Variants in BCL7B observed in about 807,000 individuals in gnomAD.
BCL7B encodes the protein BAF chromatin remodeling complex subunit BCL7B, also known as B-cell CLL/lymphoma 7 protein family member B.
BCL7B carries 11 observed loss-of-function variants against 26.5 expected under a neutral mutation model. The ratio of observed to expected loss-of-function variants is 0.42; its 90% CI spans 0.26 to 0.69. BCL7B has a LOEUF of 0.69. BCL7B is among the 30% of genes least tolerant of loss of function. The pLI is 0.28. For synonymous variants in BCL7B, 111 were observed against 107.9 expected (o/e 1.03, Z -0.18); for missense variants, 215 against 264.4 (o/e 0.81, Z 1.30).
At chr7:73,540,959 C>T (rs577674990) in intron 3 of BCL7B, among the ~76,000 whole-genome samples, 1 of 150,212 alleles carries the variant, frequency 6.7e-6, no homozygotes, top group Non-Finnish European at 1.5e-5. Flanking sequence ...CCAGCCTGGC[C>T]AACATGGTGA....
At chr7:73,543,326 G>A (rs572516584) in intron 3 of BCL7B, among the ~76,000 whole-genome samples, 1 of 152,062 alleles carries the variant, frequency 6.6e-6, no homozygotes, top group African/African-American at 2.4e-5. Flanking sequence ...ACAGGCACGC[G>A]CCACCACGCT....
At chr7:73,538,223 G>T (rs781851704) in intron 4 of BCL7B, 4 of 390,750 alleles carry the variant, frequency 1.0e-5, no homozygotes, top group Non-Finnish European at 1.8e-5. Context: ...GGCCATCTCT[G>T]CTGGGCTGGA....
chr7:73,539,806 C>T, intron 4 of BCL7B, 76 bp downstream of exon 4: 1 of 1,553,032 alleles, frequency 6.4e-7, no homozygotes, highest in East Asian at 2.3e-5. Context: ...GAGCCTGTTA[C>T]TCTAAAGACG....
chr7:73,537,275 G>A lies in BCL7B; in HGVS notation c.*23C>T. ...AATGCAATAAATAGAGGCAGGGCCAGGAGGCGGAGGGCCGGGATGGTGCTA... is the reference window on the plus strand; with the variant it reads ...AATGCAATAAATAGAGGCAGGGCCAAGAGGCGGAGGGCCGGGATGGTGCTA... On this transcript the variant is annotated 3_prime_UTR_variant, in exon 6 of 6. Transcript: ENST00000223368. 2 of 1,612,388 alleles carry A rather than the reference G, an allele frequency of 1.2e-6. No homozygotes were observed. Among genetic ancestry groups the A allele is most frequent in the Non-Finnish European group, 1.7e-6 (2 of 1,178,680 alleles).
At chr7:73,545,869 C>T (rs1486074248) in intron 2 of BCL7B, among the ~76,000 whole-genome samples, 1 of 152,096 alleles carries the variant, frequency 6.6e-6, no homozygotes, top group African/African-American at 2.4e-5. Context: ...CGGTGGCTCA[C>T]GCCTGTAATC....
chr7:73,557,492 C>T lies in BCL7B; in HGVS notation c.87G>A (p.Arg29=). The part of the protein sequence containing the change: ...KKVMAAIEKV[R]KWEKKWVTVG... ...CCTAAGCTCCGGCCCCTCACCATTT[C>T]CGCACTTTCTCGATGGCCGCCATCA... The change falls in exon 1 of 6, where the codon CGG becomes CGA. Residue 29 remains arginine, a synonymous_variant. Coordinates refer to ENST00000223368, the MANE Select transcript of BCL7B (RefSeq NM_001707.4). 3 of 1,434,832 alleles carry T rather than the reference C, an allele frequency of 2.1e-6. No individual in the cohort carries two copies. The highest frequency in any genetic ancestry group is 2.8e-6 in the Non-Finnish European group (3 of 1,081,988). 88.9% of individuals were successfully genotyped at this position (1,434,832 alleles called of 1,614,324 possible).
intron 1 of BCL7B, 143 bp from the exon 2 acceptor site, chr7:73,552,385 C>T (rs1260755746): frequency 1.4e-5 from 10 of 691,750 alleles, no homozygotes; most frequent in Middle Eastern, 4.9e-4. Flanking sequence ...TGGTAGCTCA[C>T]ACCTGAAATC....
intron 2 of BCL7B, among the ~76,000 whole-genome samples, chr7:73,547,076 T>C (rs1554583561): frequency 6.6e-6 from 1 of 152,074 alleles, no homozygotes; most frequent in Admixed American, 6.6e-5. Flanking sequence ...CACTTGAACC[T>C]GGTAGGTGGA....
At chr7:73,548,361 G>C (rs1227801544) in intron 2 of BCL7B, among the ~76,000 whole-genome samples, 1 of 152,094 alleles carries the variant, frequency 6.6e-6, no homozygotes, top group Non-Finnish European at 1.5e-5. Context: ...CCGGGAGGCA[G>C]AGGTTGCAGT....
At chr7:73,552,344 G>A in intron 1 of BCL7B, 102 bp from the exon 2 acceptor site, 1 of 939,936 alleles carries the variant, frequency 1.1e-6, no homozygotes, top group Non-Finnish European at 1.7e-6. Context: ...CTTCAATCTG[G>A]AATCCTTCTG....
chr7:73,548,188 G>A (rs112596386), intron 2 of BCL7B, among the ~76,000 whole-genome samples: 6,983 of 152,120 alleles, frequency 0.046, 196 homozygotes, highest in Non-Finnish European at 0.066. Flanking sequence ...CCAGCACTTC[G>A]GAAGGCGGAG....
At chr7:73,542,177 C>T (rs112268047) in intron 3 of BCL7B, among the ~76,000 whole-genome samples, 2,020 of 152,338 alleles carry the variant, frequency 0.013, 36 homozygotes, top group African/African-American at 0.041. Flanking sequence ...CCCAGTGCAA[C>T]GCACGGTACC....
intron 2 of BCL7B, among the ~76,000 whole-genome samples, chr7:73,549,706 T>C (rs2115799163): frequency 6.6e-6 from 1 of 152,334 alleles, no homozygotes; most frequent in Non-Finnish European, 1.5e-5. Context: ...GGCATATGCC[T>C]GTGGTCCCAG....
intron 2 of BCL7B, among the ~76,000 whole-genome samples, chr7:73,544,673 G>A (rs1554583294): frequency 6.6e-6 from 1 of 151,950 alleles, no homozygotes. Flanking sequence ...ATCACCCCAT[G>A]TTTATTTTTA....
intron 3 of BCL7B, chr7:73,542,911 C>CAAAAAAT (rs782567566): frequency 3.0e-5 from 13 of 432,296 alleles, no homozygotes; most frequent in African/African-American, 4.1e-5. Context: ...TCTGTCTCTA[C>CAAAAAAT]AAAAAATAAA....
intron 4 of BCL7B, 120 bp from the exon 5 acceptor site, chr7:73,538,133 GCAAA>G (rs1791613579): frequency 3.7e-6 from 2 of 536,186 alleles, no homozygotes; most frequent in African/African-American, 2.0e-5. Flanking sequence ...GGCCTGAGAA[GCAAA>G]CATTCATTCA....
chr7:73,557,146 A>C (rs1225359725), intron 1 of BCL7B: 1 of 1,007,178 alleles, frequency 9.9e-7, no homozygotes, highest in Non-Finnish European at 1.2e-6. Context: ...AGGCGGGGCC[A>C]CTGCCCAGGA....
intron 2 of BCL7B, among the ~76,000 whole-genome samples, chr7:73,549,672 G>GA (rs1353094909): frequency 1.3e-5 from 2 of 152,094 alleles, no homozygotes; most frequent in South Asian, 4.1e-4. Context: ...AAAAAAGAAA[G>GA]AAAAAAAATT....
intron 1 of BCL7B, chr7:73,557,055 T>G (rs1792386494): frequency 1.0e-6 from 1 of 987,768 alleles, no homozygotes; most frequent in African/African-American, 1.7e-5. Flanking sequence ...CTTCAACGCC[T>G]GAATACGCAG....
Sources: allele counts gnomAD v4.1 joint callset (sites outside exome capture counted in the v4.1 genomes callset), GRCh38; gene constraint gnomAD v4.1.1; transcripts MANE v1.5; gene names NCBI Gene and HGNC (gene_info 2026-07-23, HGNC 2026-07-21).